C3orf20: variants seen among roughly 807,000 people sequenced by gnomAD.
C3orf20 encodes the protein family with sequence similarity 149 member C.
A neutral mutation model predicts 88.3 loss-of-function variants in C3orf20; 76 were observed. That is an observed-to-expected ratio of 0.86 (90% CI 0.72 to 1.04). C3orf20 has a LOEUF of 1.04. Ranked by LOEUF, C3orf20 falls within the 50% of genes least tolerant of loss-of-function variation. The pLI is 0.00. For synonymous variants in C3orf20, 436 were observed against 437.4 expected (o/e 1.00, Z 0.04); for missense variants, 1,056 against 1,123.3 (o/e 0.94, Z 0.86).
intron 12 of C3orf20, among the ~76,000 whole-genome samples, chr3:14,746,412 G>A (rs1034142353): frequency 2.6e-5 from 4 of 152,172 alleles, no homozygotes; most frequent in Non-Finnish European, 4.4e-5. Flanking sequence ...TCAGCAACTG[G>A]ATTGCGATAT....
At chr3:14,738,818 T>G (rs1348247082) in intron 12 of C3orf20, among the ~76,000 whole-genome samples, 8 of 125,268 alleles carry the variant, frequency 6.4e-5, no homozygotes, top group Non-Finnish European at 9.6e-5. Flanking sequence ...TTTTTTTGTT[T>G]TTTTTTTTTT....
chr3:14,757,663 C>T lies in C3orf20; in HGVS notation c.2233C>T (p.Pro745Ser), dbSNP rs201746000. ...CCACCAGCAGCGGGGCCGTGGCTCC[C>T]CCTGCATCCAGGTTGGTCTGGGCCC... ...YNHQQRGRGS[P>S]CIQCRYDSYR... Residue 745 changes from proline (P) to serine (S), a missense_variant, in exon 13 of 17, where the codon CCC becomes TCC. Transcript: ENST00000253697. The T allele has an allele frequency of 1.1e-4, 174 of 1,609,910 alleles. No homozygotes were observed. Among genetic ancestry groups the T allele is most frequent in the Non-Finnish European group, 1.4e-4 (163 of 1,177,234 alleles).
At chr3:14,730,057 C>T (rs1350098809) in intron 12 of C3orf20, among the ~76,000 whole-genome samples, 1 of 152,132 alleles carries the variant, frequency 6.6e-6, no homozygotes, top group East Asian at 1.9e-4. Context: ...TCCAAATGAC[C>T]AATCTCACCC....
chr3:14,680,976 A>AT lies in C3orf20; in HGVS notation c.-298-1193dup, dbSNP rs1214232062. Among the ~76,000 whole-genome samples, 26 of 152,388 alleles carry AT rather than the reference A, an allele frequency of 1.7e-4. No homozygotes were observed. The South Asian group carries it at 2.3e-3, about 13-fold the overall frequency. ...AATGGAGATGCCAGGAGGTCAACAA[A>AT]TAGGCGTAGGAAGCCACTATCTGCA... On this transcript the variant is annotated intron_variant, in intron 1 of 16. Coordinates refer to ENST00000253697, the MANE Select transcript of C3orf20 (RefSeq NM_032137.5).
chr3:14,707,837 G>A (rs1033366118), intron 7 of C3orf20, among the ~76,000 whole-genome samples: 1 of 20,404 alleles, frequency 4.9e-5, no homozygotes, highest in East Asian at 1.1e-3. Context: ...TTTTTTTTTT[G>A]AGACAGAGTT....
intron 5 of C3orf20, among the ~76,000 whole-genome samples, chr3:14,696,815 CT>C (rs2033024699): frequency 6.6e-6 from 1 of 152,092 alleles, no homozygotes; most frequent in African/African-American, 2.4e-5. Context: ...AACACCTTTT[CT>C]TTCTGATTGA....
intron 7 of C3orf20, among the ~76,000 whole-genome samples, chr3:14,705,484 C>T (rs911050067): frequency 2.6e-5 from 4 of 152,130 alleles, no homozygotes; most frequent in Non-Finnish European, 1.5e-5. Flanking sequence ...AGTTAATAGA[C>T]CATTTGTACT....
intron 4 of C3orf20, among the ~76,000 whole-genome samples, chr3:14,688,044 G>A (rs762902296): frequency 5.3e-5 from 8 of 152,146 alleles, no homozygotes; most frequent in Non-Finnish European, 5.9e-5. Context: ...AAACAAAAAC[G>A]AAGGAGTGAT....
intron 12 of C3orf20, among the ~76,000 whole-genome samples, chr3:14,743,205 G>A (rs1380428995): frequency 6.6e-6 from 1 of 151,986 alleles, no homozygotes; most frequent in Non-Finnish European, 1.5e-5. Context: ...TAGATACAAT[G>A]GGGGTACAGG....
At chr3:14,698,229 A>G (rs959801599) in intron 5 of C3orf20, among the ~76,000 whole-genome samples, 3 of 152,106 alleles carry the variant, frequency 2.0e-5, no homozygotes. Flanking sequence ...GCTATTTTAA[A>G]TTCTCTGTCT....
At chr3:14,756,044 AAAAG>A (rs1383326706) in intron 12 of C3orf20, among the ~76,000 whole-genome samples, 2 of 150,630 alleles carry the variant, frequency 1.3e-5, no homozygotes, top group Non-Finnish European at 1.5e-5. Flanking sequence ...AAAAAAAAAA[AAAAG>A]AAAAAGAAAA....
intron 3 of C3orf20, among the ~76,000 whole-genome samples, chr3:14,683,732 C>T (rs1249641175): frequency 3.3e-5 from 5 of 151,940 alleles, no homozygotes; most frequent in South Asian, 4.2e-4. Flanking sequence ...AAAAATTAGC[C>T]GGGCATGGTG....
chr3:14,755,434 A>T (rs2035334574), intron 12 of C3orf20, among the ~76,000 whole-genome samples: 1 of 152,168 alleles, frequency 6.6e-6, no homozygotes. Context: ...ATTGCCCCAC[A>T]TTTAAACCTT....
intron 5 of C3orf20, among the ~76,000 whole-genome samples, chr3:14,696,999 C>G (rs1474168618): frequency 1.3e-5 from 2 of 152,142 alleles, no homozygotes; most frequent in Non-Finnish European, 2.9e-5. Context: ...TCATGCCACT[C>G]TCTCCTGGCC....
Position 14,757,512 on chromosome 3 carries a change from C to A in C3orf20, c.2082C>A (p.Asp694Glu). Residue 694 changes from aspartate (D) to glutamate (E), a missense_variant, in exon 13 of 17, where the codon GAC (aspartate) becomes GAA (glutamate). Transcript: ENST00000253697. ...TGGTGAAGGCGCCCCTGGTCTCTGA[C>A]GTGGAGCTGGAGCGCTTCCTGTTGG... Reference protein sequence around the residue: ...KCLVKAPLVSDVELERFLLAP... With the variant: ...KCLVKAPLVSEVELERFLLAP... 2 of 1,614,088 alleles carry A rather than the reference C, an allele frequency of 1.2e-6. No homozygotes were observed. Among genetic ancestry groups the A allele is most frequent in the Non-Finnish European group, 1.7e-6 (2 of 1,180,008 alleles).
intron 7 of C3orf20, among the ~76,000 whole-genome samples, chr3:14,705,441 G>T (rs1206098612): frequency 6.6e-6 from 1 of 152,246 alleles, no homozygotes; most frequent in Admixed American, 6.5e-5. Flanking sequence ...TGTGTATCGA[G>T]TATCTGTCAC....
chr3:14,722,599 C>G (rs567790199), intron 10 of C3orf20: 13 of 456,506 alleles, frequency 2.8e-5, no homozygotes, highest in Admixed American at 1.4e-4. Context: ...GCTCAGCCCC[C>G]CTGGCCGTGA....
At chr3:14,711,627 CTTTT>C (rs35966332) in intron 7 of C3orf20, among the ~76,000 whole-genome samples, 20 of 72,620 alleles carry the variant, frequency 2.8e-4, no homozygotes, top group African/African-American at 9.6e-4. Context: ...ATCCTGCCAG[CTTTT>C]TTTTTTTTTT....
chr3:14,749,289 G>A (rs1438105762), intron 12 of C3orf20, among the ~76,000 whole-genome samples: 1 of 151,824 alleles, frequency 6.6e-6, no homozygotes. Flanking sequence ...TTTTCCTTTA[G>A]GTTATTATTT....
Sources: gnomAD v4.1 joint callset for allele counts (sites outside exome capture counted in the v4.1 genomes callset) on GRCh38, gnomAD v4.1.1 for gene constraint, MANE v1.5 for transcripts, NCBI Gene and HGNC (gene_info 2026-07-23, HGNC 2026-07-21) for gene names.